FNDC3B: variants seen among roughly 807,000 people sequenced by gnomAD.
The protein encoded by FNDC3B is fibronectin type III domain containing 3B.
In FNDC3B, 12 loss-of-function variants were observed where a neutral mutation model predicts 151.5. That is an observed-to-expected ratio of 0.08 (90% CI 0.05 to 0.13). The LOEUF is 0.13. Among genes scored for constraint, FNDC3B ranks in the 10% least tolerant of loss-of-function variants. The pLI is 1.00. For synonymous variants in FNDC3B, 528 were observed against 549.0 expected, an observed-to-expected ratio of 0.96 and a Z score of 0.54; for missense variants, 1,214 against 1,505.3, an observed-to-expected ratio of 0.81 and a Z score of 3.20.
chr3:172,304,155 T>C (rs1731075516), intron 9 of FNDC3B, among the ~76,000 whole-genome samples: 1 of 152,094 alleles, frequency 6.6e-6, no homozygotes, highest in South Asian at 2.1e-4. Context: ...CTTACGACTC[T>C]CCAGCCTAGG....
chr3:172,338,269 G>C (rs1214761426), intron 16 of FNDC3B: 1 of 135,416 alleles, frequency 7.4e-6, no homozygotes, highest in African/African-American at 2.8e-5. Flanking sequence ...AGCTGAGATT[G>C]CACCACTGCA....
At chr3:172,248,009 C>T (rs1727871126) in intron 5 of FNDC3B, among the ~76,000 whole-genome samples, 1 of 152,036 alleles carries the variant, frequency 6.6e-6, no homozygotes, top group African/African-American at 2.4e-5. Context: ...CGGCCCCAAC[C>T]CCCACCTTAC....
intron 7 of FNDC3B, among the ~76,000 whole-genome samples, chr3:172,290,796 C>T (rs1003542678): frequency 1.3e-5 from 2 of 152,124 alleles, no homozygotes; most frequent in Non-Finnish European, 2.9e-5. Context: ...ATTTCAGTAT[C>T]CTTTTTCTTT....
Position 172,380,992 on chromosome 3 carries a change from A to C in FNDC3B, c.3202A>C (p.Asn1068His). 6.2e-7 allele frequency: 1 copy of C among 1,613,610 alleles called. No homozygotes were observed. The highest frequency in any genetic ancestry group is 1.7e-5 in the Admixed American group (1 of 60,012). Residue 1068 changes from asparagine to histidine, a missense_variant, in exon 25 of 26, where the codon AAT becomes CAT. This residue lies in a region of FNDC3B where 284 missense variants were observed against 392.4 expected (regional missense o/e 0.72). Transcript: ENST00000415807. ...KAPRVTQLEGNSCEILWETVP... is the reference protein window; with the variant it reads ...KAPRVTQLEGHSCEILWETVP... ...ACCTCGAGTAACACAGTTAGAAGGA[A>C]ATTCATGTGAAATTTTATGGGAGAC...
intron 3 of FNDC3B, among the ~76,000 whole-genome samples, chr3:172,208,849 T>C (rs1021800799): frequency 6.6e-6 from 1 of 152,194 alleles, no homozygotes; most frequent in African/African-American, 2.4e-5. Context: ...CTAGGCATTC[T>C]GGCTGTTGCA....
At chr3:172,285,771 C>T (rs1004019731) in intron 6 of FNDC3B, among the ~76,000 whole-genome samples, 155 bp from the exon 7 acceptor site, 3 of 152,200 alleles carry the variant, frequency 2.0e-5, no homozygotes, top group Non-Finnish European at 2.9e-5. Context: ...ACCTTCATTC[C>T]TGATTTTCCT....
chr3:172,115,359 T>C (rs958041603), intron 2 of FNDC3B, among the ~76,000 whole-genome samples: 22 of 151,268 alleles, frequency 1.5e-4, no homozygotes, highest in African/African-American at 5.1e-4. Context: ...AGGGGAGAGA[T>C]AGAGGGCCAT....
chr3:172,377,380 T>C (rs1487697702), intron 23 of FNDC3B, among the ~76,000 whole-genome samples: 1 of 152,242 alleles, frequency 6.6e-6, no homozygotes, highest in African/African-American at 2.4e-5. Context: ...TGGGAAGTTA[T>C]GTTATTTCCA....
intron 25 of FNDC3B, among the ~76,000 whole-genome samples, chr3:172,386,517 C>T (rs912238147): frequency 2.0e-5 from 3 of 152,056 alleles, no homozygotes; most frequent in East Asian, 1.9e-4. Flanking sequence ...CCAAGATGGG[C>T]GGATCACGAG....
chr3:172,378,454 T>C lies in FNDC3B; in HGVS notation c.3175+18T>C, dbSNP rs1735270233. ...CATCAAAGGTGTGTAGACTATGTAT[T>C]CTTTCTCGCTCTCTTGTGAGAGTAA... On this transcript the variant is annotated intron_variant, in intron 24 of 25. Coordinates refer to ENST00000415807, the MANE Select transcript of FNDC3B (RefSeq NM_022763.4). 1 of 1,573,800 alleles carries C rather than the reference T, an allele frequency of 6.4e-7. No homozygotes were observed. The highest frequency in any genetic ancestry group is 1.9e-5 in the Admixed American group (1 of 51,376).
At chr3:172,281,608 C>A (rs777589999) in intron 6 of FNDC3B, among the ~76,000 whole-genome samples, 1 of 152,250 alleles carries the variant, frequency 6.6e-6, no homozygotes, top group Non-Finnish European at 1.5e-5. Context: ...TTACTGCACA[C>A]CAGAAGGTGG....
chr3:172,095,882 A>G (rs879478449), intron 1 of FNDC3B, among the ~76,000 whole-genome samples: 1 of 151,862 alleles, frequency 6.6e-6, no homozygotes, highest in Non-Finnish European at 1.5e-5. Flanking sequence ...ATTTCCCCCT[A>G]CAAACAATGT....
At chr3:172,351,439 A>G (rs1177369045) in intron 21 of FNDC3B, among the ~76,000 whole-genome samples, 1 of 152,214 alleles carries the variant, frequency 6.6e-6, no homozygotes, top group Non-Finnish European at 1.5e-5. Context: ...GTAGCAGGCA[A>G]TGAAGTCACA....
chr3:172,375,817 G>A (rs1735105424), intron 23 of FNDC3B, among the ~76,000 whole-genome samples: 1 of 152,106 alleles, frequency 6.6e-6, no homozygotes, highest in African/African-American at 2.4e-5. Context: ...GCTCCCTTCT[G>A]CTGGGAGCAC....
chr3:172,209,231 A>G (rs920290286), intron 3 of FNDC3B, among the ~76,000 whole-genome samples: 1 of 152,106 alleles, frequency 6.6e-6, no homozygotes, highest in Non-Finnish European at 1.5e-5. Context: ...TTCCTGTTGC[A>G]TGAGGTGGCT....
chr3:172,164,030 G>A (rs1233553706), intron 3 of FNDC3B, among the ~76,000 whole-genome samples: 1 of 152,148 alleles, frequency 6.6e-6, no homozygotes, highest in Non-Finnish European at 1.5e-5. Flanking sequence ...CAGTGCATTT[G>A]CAGTTATAGA....
chr3:172,166,605 C>T (rs1316597961), intron 3 of FNDC3B, among the ~76,000 whole-genome samples: 1 of 152,126 alleles, frequency 6.6e-6, no homozygotes, highest in Admixed American at 6.5e-5. Context: ...TGTAAGAACT[C>T]TTAGCCAGGT....
chr3:172,170,197 GATTCCTGCAAC>G (rs1278611000), intron 3 of FNDC3B, among the ~76,000 whole-genome samples: 4 of 152,172 alleles, frequency 2.6e-5, no homozygotes, highest in Non-Finnish European at 5.9e-5. Flanking sequence ...ATTCTGTAAA[GATTCCTGCAAC>G]ATTTTCCTTC....
chr3:172,378,576 A>G (rs909518312), intron 24 of FNDC3B, 140 bp downstream of exon 24: 5 of 819,756 alleles, frequency 6.1e-6, no homozygotes, highest in Non-Finnish European at 8.9e-6. Flanking sequence ...AGATTGAGCA[A>G]TGATGGGTTG....
Sources: allele counts gnomAD v4.1 joint callset (sites outside exome capture counted in the v4.1 genomes callset), GRCh38; gene constraint gnomAD v4.1.1; regional missense constraint gnomAD v4.1.1; transcripts MANE v1.5; gene names NCBI Gene and HGNC (gene_info 2026-07-23, HGNC 2026-07-21).